RP1: variants seen among roughly 807,000 people sequenced by gnomAD.
RP1 encodes the protein RP1 axonemal microtubule associated.
In RP1, 16 loss-of-function variants were observed where a neutral mutation model predicts 14.8. That is an observed-to-expected ratio of 1.08 (90% CI 0.73 to 1.65). The LOEUF (loss-of-function observed/expected upper bound fraction) is 1.65. RP1 is among the 40% of genes most tolerant of loss of function. RP1 has a pLI of 0.00. For missense variants in RP1, 2,631 were observed against 2,535.0 expected (o/e 1.04, Z -0.81); for synonymous variants, 876 against 883.6 (o/e 0.99, Z 0.15).
At chr8:54,592,376 G>A (rs1805059546) in intron 1 of RP1, among the ~76,000 whole-genome samples, 1 of 152,160 alleles carries the variant, frequency 6.6e-6, no homozygotes, top group South Asian at 2.1e-4. Flanking sequence ...CTTATTTGCT[G>A]TACAATTATG....
Position 54,626,662 on chromosome 8 carries a change from C to T in RP1, c.2780C>T (p.Pro927Leu). 14 of 1,613,794 alleles carry T rather than the reference C, an allele frequency of 8.7e-6. No homozygotes were observed. Among genetic ancestry groups the T allele is most frequent in the Non-Finnish European group, 1.2e-5 (14 of 1,179,878 alleles). Residue 927 changes from proline (P) to leucine (L), a missense_variant, in exon 4 of 4, where the codon CCA (proline) becomes CTA (leucine). Coordinates refer to ENST00000220676, the MANE Select transcript of RP1 (RefSeq NM_006269.2). ...TGGTTGCAGAACATAAATCCATATC[C>T]AACTTTAAAGCCTATAAAATCAGCT... Reference protein sequence around the residue: ...QSWLQNINPYPTLKPIKSAPV... With the variant: ...QSWLQNINPYLTLKPIKSAPV...
At chr8:54,679,241 C>T (rs1807367198) in intron 9 of RP1, among the ~76,000 whole-genome samples, 1 of 152,180 alleles carries the variant, frequency 6.6e-6, no homozygotes, top group South Asian at 2.1e-4. Context: ...ACCTCCCTTG[C>T]AGTCTTAGAG....
Position 54,628,553 on chromosome 8 carries a change from TA to T in RP1, c.4673del (p.Lys1558ArgfsTer3). 2 of 1,613,904 alleles carry T rather than the reference TA, an allele frequency of 1.2e-6. No individual in the cohort carries two copies. The highest frequency in any genetic ancestry group is 1.7e-6 in the Non-Finnish European group (2 of 1,179,912). ...AAAAGGAGACCAATGAAGGAGAAACTAAGATGGTAAAAATGATGGTGAAAAC... is the reference window on the plus strand; with the variant it reads ...AAAAGGAGACCAATGAAGGAGAAACTAGATGGTAAAAATGATGGTGAAAAC... ...SEKETNEGETKMVKMMVKTME... is the reference protein window; with the variant it reads ...SEKETNEGETXMVKMMVKTME... On this transcript the variant is annotated frameshift_variant, in exon 4 of 4. Transcript: ENST00000220676. LOFTEE classifies it low-confidence loss of function (END_TRUNC).
intron 7 of RP1, among the ~76,000 whole-genome samples, chr8:54,668,357 T>C (rs1353512084): frequency 6.6e-6 from 1 of 152,124 alleles, no homozygotes; most frequent in Non-Finnish European, 1.5e-5. Context: ...TACAAACCAC[T>C]GTTCAATGAA....
At chr8:54,646,706 A>G (rs2129324441) in intron 3 of RP1, among the ~76,000 whole-genome samples, 1 of 152,246 alleles carries the variant, frequency 6.6e-6, no homozygotes, top group African/African-American at 2.4e-5. Flanking sequence ...ATCATATTTC[A>G]TTATTTTCAT....
chr8:54,749,713 G>C (rs1240526055), intron 19 of RP1, among the ~76,000 whole-genome samples: 2 of 152,256 alleles, frequency 1.3e-5, no homozygotes, highest in East Asian at 1.9e-4. Flanking sequence ...AAGCAGAATA[G>C]GAGCCATTTT....
intron 5 of RP1, among the ~76,000 whole-genome samples, chr8:54,654,602 C>T (rs1277007329): frequency 2.0e-5 from 3 of 152,146 alleles, no homozygotes; most frequent in Non-Finnish European, 4.4e-5. Flanking sequence ...AATTCCTGAA[C>T]CTGTCTGAGT....
chr8:54,566,360 G>C (rs935004064), intron 1 of RP1, among the ~76,000 whole-genome samples: 1 of 152,104 alleles, frequency 6.6e-6, no homozygotes, highest in African/African-American at 2.4e-5. Context: ...CTGACCCCAA[G>C]CTATTCTAGA....
intron 1 of RP1, chr8:54,560,641 C>G (rs1221209707): frequency 2.0e-5 from 3 of 152,062 alleles, no homozygotes; most frequent in Non-Finnish European, 4.4e-5. Flanking sequence ...ACACCTGCTG[C>G]ACGGGTTCAT....
rs1014709622 is a variant in RP1, at chr8:54,630,577, A to G, written c.*224A>G. ...AGGTTCTCTTATTTTGGAAGTTTCT[A>G]TCTGGTTTTGTTCTGAACTTACATT... On this transcript the variant is annotated 3_prime_UTR_variant, in exon 4 of 4. Transcript: ENST00000220676. 36 of 1,308,458 alleles carry G rather than the reference A, an allele frequency of 2.8e-5. No homozygotes were observed. Among genetic ancestry groups the G allele is most frequent in the South Asian group, 2.0e-4 (11 of 55,382 alleles). 81.1% of individuals were successfully genotyped at this position (1,308,458 alleles called of 1,614,324 possible).
chr8:54,682,644 T>C (rs1001724028), intron 12 of RP1, among the ~76,000 whole-genome samples: 1 of 152,028 alleles, frequency 6.6e-6, no homozygotes, highest in Non-Finnish European at 1.5e-5. Flanking sequence ...ATTTCTCTAA[T>C]GGGTTTTTTT....
At chr8:54,599,116 G>T (rs7823055) in intron 1 of RP1, among the ~76,000 whole-genome samples, 82,849 of 151,864 alleles carry the variant, frequency 0.55, 22,947 homozygotes, top group Middle Eastern at 0.67. Context: ...AGTCCCTGAG[G>T]TTCTGTTCAA....
chr8:54,849,436 C>T (rs147872407), intron 25 of RP1, among the ~76,000 whole-genome samples: 230 of 152,166 alleles, frequency 1.5e-3, no homozygotes, highest in African/African-American at 5.4e-3. Context: ...CCTTCCCCAA[C>T]CATGTGACAT....
In RP1 at chr8:54,586,902, A is replaced by C. The variant is rs62514574; in HGVS notation, c.-13+27582A>C. 5.8e-3 allele frequency among the ~76,000 whole-genome samples: 883 copies of C among 152,160 alleles called. 13 individuals are homozygous for C. Among genetic ancestry groups the C allele is most frequent in the Non-Finnish European group, 8.0e-3 (546 of 67,998 alleles). ...TCCAGGTGCCGTCTGTCACCCCTTTATTTGACTAGGAAAGGGAATTCCCTG... is the reference window on the plus strand; with the variant it reads ...TCCAGGTGCCGTCTGTCACCCCTTTCTTTGACTAGGAAAGGGAATTCCCTG... On this transcript the variant is annotated intron_variant, in intron 1 of 22. Coordinates refer to the RP1 transcript ENST00000636932.
intron 24 of RP1, among the ~76,000 whole-genome samples, chr8:54,822,377 T>A (rs10091458): frequency 0.3 from 45,558 of 151,992 alleles, 7,021 homozygotes; most frequent in South Asian, 0.37. Context: ...AATACCGATG[T>A]AATTCAGTAT....
intron 24 of RP1, among the ~76,000 whole-genome samples, chr8:54,788,994 C>A (rs112099984): frequency 0.037 from 5,690 of 152,248 alleles, 235 homozygotes; most frequent in African/African-American, 0.094. Context: ...GCATCATACC[C>A]AGCTAGTCCT....
intron 3 of RP1, among the ~76,000 whole-genome samples, chr8:54,646,930 C>A (rs561797115): frequency 2.5e-4 from 38 of 152,226 alleles, no homozygotes; most frequent in African/African-American, 8.9e-4. Flanking sequence ...TAGAATTTTT[C>A]TAGCTCTGTA....
intron 12 of RP1, among the ~76,000 whole-genome samples, chr8:54,681,821 G>T (rs940288114): frequency 6.6e-6 from 1 of 152,060 alleles, no homozygotes; most frequent in African/African-American, 2.4e-5. Context: ...GGATTAGTTT[G>T]CTGAGGATAA....
At position 54,630,303 on chromosome 8, in the gene RP1, A is replaced by G. The variant is rs907744519; in HGVS notation, c.6421A>G (p.Ile2141Val). The G allele has an allele frequency of 6.2e-7, 1 of 1,613,764 alleles. No individual in the cohort carries two copies. Among genetic ancestry groups the G allele is most frequent in the South Asian group, 1.1e-5 (1 of 91,076 alleles). Reference protein sequence around the residue: ...ENLFIWEEEDILNLTDLESSR... With the variant: ...ENLFIWEEEDVLNLTDLESSR... Reference sequence around the variant, plus strand: ...TCTTTTCATTTGGGAAGAGGAAGACATATTAAATTTAACTGATCTTGAAAG... The same window carrying G: ...TCTTTTCATTTGGGAAGAGGAAGACGTATTAAATTTAACTGATCTTGAAAG... The change falls in exon 4 of 4, where the codon ATA (isoleucine) becomes GTA (valine). Residue 2141 changes from isoleucine to valine, a missense_variant. Physicochemically the swap from Ile to Val is conservative, Grantham distance 29 (BLOSUM62 3). Coordinates refer to ENST00000220676, the MANE Select transcript of RP1 (RefSeq NM_006269.2).
Sources: gnomAD v4.1 joint callset for allele counts (sites outside exome capture counted in the v4.1 genomes callset) on GRCh38, gnomAD v4.1.1 for gene constraint, MANE v1.5 for transcripts, NCBI Gene and HGNC (gene_info 2026-07-23, HGNC 2026-07-21) for gene names.